EWSR1: variants seen among roughly 807,000 people sequenced by gnomAD.
EWSR1 encodes RNA-binding protein EWS.
Under a neutral mutation model 92.1 loss-of-function variants are expected in EWSR1, and 14 were observed. That is an observed-to-expected ratio of 0.15 (90% confidence interval 0.10 to 0.24). EWSR1 has a LOEUF of 0.24. Ranked by LOEUF, EWSR1 falls within the 10% of genes least tolerant of loss-of-function variation. The probability of loss-of-function intolerance (pLI) is 1.00; values close to 1 mark genes in which losing one functional copy is unlikely to be tolerated. For synonymous variants in EWSR1, 303 were observed against 292.9 expected, an observed-to-expected ratio of 1.03 and a Z score of -0.35; for missense variants, 637 against 870.9, an observed-to-expected ratio of 0.73 and a Z score of 3.38.
chr22:29,280,901 A>G (rs1489383121), intron 5 of EWSR1, among the ~76,000 whole-genome samples: 1 of 51,860 alleles, frequency 1.9e-5, no homozygotes, highest in Non-Finnish European at 4.1e-5. Context: ...TTTTTTTTTG[A>G]CAGAGTCTTG....
chr22:29,299,048 T>C, intron 14 of EWSR1, 153 bp downstream of exon 14: 1 of 1,359,240 alleles, frequency 7.4e-7, no homozygotes, highest in South Asian at 1.4e-5. Flanking sequence ...CACTGGACGC[T>C]TCAGAGCCTT....
chr22:29,292,715 T>G, intron 11 of EWSR1, 109 bp downstream of exon 11: 1 of 652,306 alleles, frequency 1.5e-6, no homozygotes, highest in East Asian at 2.5e-5. Flanking sequence ...TTTGCCTGAC[T>G]TCTTTCTAGG....
At chr22:29,296,153 T>C (rs1231284924) in intron 11 of EWSR1, 86 bp from the exon 12 acceptor site, 4 of 1,365,454 alleles carry the variant, frequency 2.9e-6, no homozygotes, top group Non-Finnish European at 4.0e-6. Context: ...TGTGAGAAAT[T>C]GGTACTTTTC....
rs759017252 is a variant in EWSR1 at position 29,297,829 on chromosome 22, A to C, written c.1297A>C (p.Lys433Gln). 1.9e-6 allele frequency: 3 copies of C among 1,613,928 alleles called. No homozygotes were observed. The South Asian group carries it at 3.3e-5, about 18-fold the overall frequency. The change falls in exon 13 of 17, where the codon AAA (lysine) becomes CAA (glutamine). Residue 433 changes from lysine (K) to glutamine (Q), a missense_variant and splice_region_variant. Lys to Gln is a moderately conservative substitution (Grantham distance 53, BLOSUM62 1). This residue lies in a region of EWSR1 where 363 missense variants were observed against 447.8 expected (regional missense o/e 0.81). Coordinates refer to ENST00000397938, the MANE Select transcript of EWSR1 (RefSeq NM_005243.4). ...AKAAVEWFDG[K>Q]DFQGSKLKVS... ...GATGTTCTGTTGTCTTGTTCCAGGG[A>C]AAGATTTTCAAGGGAGCAAACTTAA...
At chr22:29,297,238 C>T (rs2060932421) in intron 12 of EWSR1, among the ~76,000 whole-genome samples, 1 of 152,204 alleles carries the variant, frequency 6.6e-6, no homozygotes. Flanking sequence ...GCAACCTCCA[C>T]CTCCCAGGTT....
At chr22:29,273,373 G>A (rs1484418830) in intron 3 of EWSR1, among the ~76,000 whole-genome samples, 3 of 152,162 alleles carry the variant, frequency 2.0e-5, no homozygotes, top group African/African-American at 7.2e-5. Flanking sequence ...TACGCTAAGT[G>A]CTAGCAGTTA....
intron 3 of EWSR1, 141 bp downstream of exon 3, chr22:29,272,572 T>A: frequency 1.2e-6 from 1 of 826,818 alleles, no homozygotes; most frequent in Non-Finnish European, 1.9e-6. Flanking sequence ...ACTTTCACAG[T>A]GGGAGTGCGA....
At chr22:29,291,382 T>A (rs1386736351) in intron 8 of EWSR1, 180 bp from the exon 9 acceptor site, 5 of 578,310 alleles carry the variant, frequency 8.6e-6, no homozygotes, top group Non-Finnish European at 1.5e-5. Context: ...CAAGCAAGGT[T>A]GTATATTGAG....
intron 4 of EWSR1, chr22:29,276,324 T>C (rs1250305531): frequency 4.4e-6 from 1 of 229,134 alleles, no homozygotes; most frequent in Non-Finnish European, 8.6e-6. Context: ...TCAAAAACTT[T>C]TATTGCTTGG....
chr22:29,288,572 G>T (rs1381993679), intron 7 of EWSR1, 34 bp from the exon 8 acceptor site: 1 of 1,576,662 alleles, frequency 6.3e-7, no homozygotes, highest in Non-Finnish European at 8.6e-7. Flanking sequence ...TGTAAATGCT[G>T]GTCCATGGCT....
intron 5 of EWSR1, among the ~76,000 whole-genome samples, chr22:29,279,278 C>A (rs2059378466): frequency 6.6e-6 from 1 of 152,174 alleles, no homozygotes; most frequent in South Asian, 2.1e-4. Context: ...GTAGTTCACA[C>A]AGGCAGGAGG....
intron 1 of EWSR1, among the ~76,000 whole-genome samples, chr22:29,271,697 C>T (rs1416363608): frequency 6.6e-6 from 1 of 152,178 alleles, no homozygotes; most frequent in African/African-American, 2.4e-5. Flanking sequence ...TCTGCCATTC[C>T]GTTTCACTGT....
chr22:29,292,032 T>C (rs148980456), intron 9 of EWSR1, 105 bp from the exon 10 acceptor site: 1 of 962,816 alleles, frequency 1.0e-6, no homozygotes, highest in African/African-American at 1.6e-5. Flanking sequence ...GTTTAATGAA[T>C]CCCCATCAAA....
At chr22:29,285,021 G>A (rs2059912573) in intron 6 of EWSR1, among the ~76,000 whole-genome samples, 1 of 150,506 alleles carries the variant, frequency 6.6e-6, no homozygotes. Context: ...GTTTTTCCAT[G>A]TTGGTCAGGC....
chr22:29,268,602 G>T lies in EWSR1; in HGVS notation c.13+253G>T, dbSNP rs535706908. ...GGCGGGGGCGCGCGGGGCCCGCCTTGGCCTCCATTGTGTGGCGGTCCTCGC... is the reference window on the plus strand; with the variant it reads ...GGCGGGGGCGCGCGGGGCCCGCCTTTGCCTCCATTGTGTGGCGGTCCTCGC... On this transcript the variant is annotated intron_variant, in intron 1 of 16. Coordinates refer to ENST00000397938, the MANE Select transcript of EWSR1 (RefSeq NM_005243.4). Among the ~76,000 whole-genome samples, 861 of 152,162 alleles carry T rather than the reference G, an allele frequency of 5.7e-3. 8 individuals are homozygous for T. The highest frequency in any genetic ancestry group is 0.014 in the Middle Eastern group (4 of 290).
chr22:29,279,522 G>A (rs1232082522), intron 5 of EWSR1, among the ~76,000 whole-genome samples: 2 of 152,198 alleles, frequency 1.3e-5, no homozygotes, highest in Non-Finnish European at 2.9e-5. Context: ...CAGGTAAACA[G>A]TATAATTATT....
intron 6 of EWSR1, among the ~76,000 whole-genome samples, chr22:29,283,324 C>G (rs182433026): frequency 2.0e-5 from 3 of 152,276 alleles, no homozygotes; most frequent in Admixed American, 6.5e-5. Flanking sequence ...TATGGGCCAA[C>G]TCTTTTTATT....
At chr22:29,273,911 T>G (rs1643895425) in intron 4 of EWSR1, 47 bp downstream of exon 4, 1 of 1,608,080 alleles carries the variant, frequency 6.2e-7, no homozygotes. Flanking sequence ...GGCTAGGGCA[T>G]TGGCTAAGAA....
intron 12 of EWSR1, among the ~76,000 whole-genome samples, chr22:29,297,564 C>T (rs909765136): frequency 6.6e-6 from 1 of 152,090 alleles, no homozygotes; most frequent in Non-Finnish European, 1.5e-5. Context: ...CATGGTGATG[C>T]GTGCCTGTAG....
Sources: allele counts gnomAD v4.1 joint callset (sites outside exome capture counted in the v4.1 genomes callset), GRCh38; gene constraint gnomAD v4.1.1; regional missense constraint gnomAD v4.1.1; transcripts MANE v1.5; gene names NCBI Gene and HGNC (gene_info 2026-07-23, HGNC 2026-07-21).